DEPDC4: variants seen among roughly 807,000 people sequenced by gnomAD.
DEPDC4 encodes the protein DEP domain-containing protein 4.
In DEPDC4, 52 loss-of-function variants were observed where a neutral mutation model predicts 52.0. The observed-to-expected ratio is 1.00, with a 90% CI of 0.80 to 1.26. The LOEUF (loss-of-function observed/expected upper bound fraction) is 1.26, where lower values mean the gene tolerates loss of function less well. Ranked by LOEUF, DEPDC4 falls within the 50% of genes most tolerant of loss-of-function variation. The pLI is 0.00. For synonymous variants in DEPDC4, 201 were observed against 196.8 expected (o/e 1.02, Z -0.18); for missense variants, 530 against 546.9 (o/e 0.97, Z 0.31).
At chr12:100,243,533 G>A (rs1043305626) in intron 8 of DEPDC4, among the ~76,000 whole-genome samples, 2 of 152,078 alleles carry the variant, frequency 1.3e-5, no homozygotes, top group South Asian at 2.1e-4. Context: ...ATCCATATAC[G>A]CTCACCTTTA....
At chr12:100,280,043 CTG>C in the DEPDC4 span, among the ~76,000 whole-genome samples, 1 of 152,328 alleles carries the variant, frequency 6.6e-6, no homozygotes, top group South Asian at 2.1e-4. Flanking sequence ...GCTCTATGCT[CTG>C]TAGTTTGGAA....
Position 100,253,487 on chromosome 12 carries a change from AC to A in DEPDC4, c.1105+1del. 1 of 1,217,488 alleles carries A rather than the reference AC, an allele frequency of 8.2e-7. No individual in the cohort carries two copies. Among genetic ancestry groups the A allele is most frequent in the South Asian group, 1.3e-5 (1 of 77,724 alleles). The allele number at this position is 1,217,488 out of a possible 1,614,324, so 75.4% of individuals were successfully genotyped here. On this transcript the variant is annotated splice_donor_variant, in intron 5 of 9. Transcript: ENST00000550587. LOFTEE classifies it high-confidence loss of function. ...AATTAAAATATAAACATCCTATCTT[AC>A]CTAAAAGTTCAATAATTCCTGAATG...
intron 5 of DEPDC4, among the ~76,000 whole-genome samples, 170 bp from the exon 6 acceptor site, chr12:100,252,706 T>G (rs1386953649): frequency 6.6e-6 from 1 of 152,252 alleles, no homozygotes; most frequent in Non-Finnish European, 1.5e-5. Flanking sequence ...GGAAATTATC[T>G]TTATAATTCT....
Position 100,234,171 on chromosome 12 carries a change from T to C in DEPDC4, c.*699+3797A>G, listed in dbSNP as rs142582239. On this transcript the variant is annotated intron_variant and NMD_transcript_variant, in intron 9 of 10. Transcript: ENST00000378244. ...GGATAGTACCTGTCAACAAAAAAAA[T>C]TGTTCAATGATACTTGTTAAAAGAT... 1.6e-4 allele frequency among the ~76,000 whole-genome samples: 25 copies of C among 152,190 alleles called. No homozygotes were observed. The East Asian group carries it at 4.8e-3, about 29-fold the overall frequency.
At chr12:100,246,952 C>A (rs917986952) in intron 8 of DEPDC4, among the ~76,000 whole-genome samples, 10 of 151,294 alleles carry the variant, frequency 6.6e-5, no homozygotes, top group African/African-American at 2.4e-4. Context: ...AAAAGAAAAG[C>A]AAAGAAAATA....
At chr12:100,254,697 C>T (rs2096224892) in intron 4 of DEPDC4, among the ~76,000 whole-genome samples, 1 of 151,764 alleles carries the variant, frequency 6.6e-6, no homozygotes, top group Non-Finnish European at 1.5e-5. Context: ...TCCTTCCTTT[C>T]TTTCTCCCTC....
chr12:100,247,160 A>G (rs11110314), intron 8 of DEPDC4, among the ~76,000 whole-genome samples: 56,905 of 148,166 alleles, frequency 0.38, 13,481 homozygotes, highest in African/African-American at 0.66. Flanking sequence ...TGTAGCACAT[A>G]GCATTGTGCA....
At chr12:100,276,629 C>T in the DEPDC4 span, among the ~76,000 whole-genome samples, 3 of 152,304 alleles carry the variant, frequency 2.0e-5, no homozygotes, top group South Asian at 6.2e-4. Context: ...TGAGTCATTG[C>T]ACCTTGCTAA....
intron 4 of DEPDC4, among the ~76,000 whole-genome samples, chr12:100,254,873 T>C (rs932900646): frequency 3.9e-5 from 6 of 152,180 alleles, no homozygotes; most frequent in African/African-American, 1.4e-4. Context: ...AGACATGTGC[T>C]GTCTTGCCTA....
chr12:100,252,393 C>T lies in DEPDC4; in HGVS notation c.1248+1G>A. The T allele has an allele frequency of 3.9e-6, 6 of 1,545,354 alleles. No homozygotes were observed. The highest frequency in any genetic ancestry group is 5.2e-6 in the Non-Finnish European group (6 of 1,154,252). On this transcript the variant is annotated splice_donor_variant, in intron 6 of 9. Coordinates refer to ENST00000550587, the MANE Select transcript of DEPDC4 (RefSeq NM_001364818.2). LOFTEE classifies it high-confidence loss of function. ...GCAAAACTTATTGCAAAATTTTTCA[C>T]CTGTTTTTGCAACTTGTAGGCATTG...
the DEPDC4 span, among the ~76,000 whole-genome samples, chr12:100,279,108 C>G: frequency 1.2e-4 from 19 of 152,154 alleles, no homozygotes; most frequent in African/African-American, 3.9e-4. Context: ...AGCAGCAGTC[C>G]CCAACCTTTT....
intron 1 of DEPDC4, among the ~76,000 whole-genome samples, chr12:100,265,863 C>T (rs566071870): frequency 3.9e-5 from 6 of 152,224 alleles, no homozygotes; most frequent in Non-Finnish European, 7.4e-5. Flanking sequence ...AAACTTCAAA[C>T]GAGTAACCTT....
intron 1 of DEPDC4, among the ~76,000 whole-genome samples, chr12:100,265,783 T>C (rs1408472988): frequency 6.6e-6 from 1 of 152,242 alleles, no homozygotes; most frequent in African/African-American, 2.4e-5. Flanking sequence ...ATTATTATCC[T>C]ACTTAGGTAA....
chr12:100,269,114 A>G (rs1453336755), upstream of DEPDC4, among the ~76,000 whole-genome samples: 1 of 152,202 alleles, frequency 6.6e-6, no homozygotes, highest in Non-Finnish European at 1.5e-5. Flanking sequence ...TTAGTGTTTA[A>G]AATCTTTCAG....
the DEPDC4 span, among the ~76,000 whole-genome samples, chr12:100,279,459 C>T: frequency 6.6e-6 from 1 of 152,200 alleles, no homozygotes; most frequent in Non-Finnish European, 1.5e-5. Context: ...TAAGTCACAT[C>T]GTCTTGCTTC....
intron 3 of DEPDC4, among the ~76,000 whole-genome samples, chr12:100,261,180 C>CA (rs536040088): frequency 0.19 from 12,977 of 67,924 alleles, 862 homozygotes; most frequent in Middle Eastern, 0.3. Flanking sequence ...GACTCCGTCT[C>CA]AAAAAAAAAA....
At chr12:100,232,942 G>C (rs1212366712) in intron 9 of DEPDC4, among the ~76,000 whole-genome samples, 3 of 152,126 alleles carry the variant, frequency 2.0e-5, no homozygotes, top group African/African-American at 7.2e-5. Context: ...CCTGGCGGGT[G>C]AGAGGATAGC....
At chr12:100,278,445 C>T in the DEPDC4 span, among the ~76,000 whole-genome samples, 1 of 152,020 alleles carries the variant, frequency 6.6e-6, no homozygotes. Context: ...AGTGATCCTC[C>T]CATCTCTAAT....
At chr12:100,250,040 G>A (rs1156409135) in intron 7 of DEPDC4, among the ~76,000 whole-genome samples, 5 of 152,068 alleles carry the variant, frequency 3.3e-5, no homozygotes, top group Non-Finnish European at 5.9e-5. Flanking sequence ...TGGCATGTTC[G>A]AGAGCCCCTA....
Sources: gnomAD v4.1 joint callset for allele counts (sites outside exome capture counted in the v4.1 genomes callset) on GRCh38, gnomAD v4.1.1 for gene constraint, MANE v1.5 for transcripts, NCBI Gene and HGNC (gene_info 2026-07-23, HGNC 2026-07-21) for gene names.